C8orf74: variants seen among roughly 807,000 people sequenced by gnomAD.
C8orf74 encodes uncharacterized protein C8orf74.
In C8orf74, 29 loss-of-function variants were observed where a neutral mutation model predicts 22.2. The observed-to-expected ratio is 1.31, with a 90% CI of 0.97 to 1.78. C8orf74 has a LOEUF of 1.78. Among genes scored for constraint, C8orf74 ranks in the 40% most tolerant of loss-of-function variants. The probability of loss-of-function intolerance (pLI) is 0.00; values close to 1 mark genes in which losing one functional copy is unlikely to be tolerated. For missense variants in C8orf74, 515 were observed against 369.9 expected, an observed-to-expected ratio of 1.39 and a Z score of -3.22; for synonymous variants, 255 against 163.1, an observed-to-expected ratio of 1.56 and a Z score of -4.30.
chr8:10,690,314 TC>T (rs1331293778), intron 2 of C8orf74, among the ~76,000 whole-genome samples: 3 of 151,912 alleles, frequency 2.0e-5, no homozygotes, highest in African/African-American at 7.3e-5. Flanking sequence ...CGGTGGGTGC[TC>T]CCTAACTGAG....
chr8:10,688,881 A>G (rs1434617402), intron 2 of C8orf74: 1 of 152,218 alleles, frequency 6.6e-6, no homozygotes, highest in African/African-American at 2.4e-5. Context: ...GGACCCCGGG[A>G]CAGGCAGGAG....
Position 10,687,226 on chromosome 8 carries a change from C to T in C8orf74, c.242-10373C>T, listed in dbSNP as rs145372926. On this transcript the variant is annotated intron_variant, in intron 2 of 3. Transcript: ENST00000304519. Reference sequence around the variant, plus strand: ...GGAAAGCACCACATATGCATGCTGTCGCCTAATCTCACGAGGTAGAGATTT... The same window carrying T: ...GGAAAGCACCACATATGCATGCTGTTGCCTAATCTCACGAGGTAGAGATTT... 2.9e-3 allele frequency: 1,172 copies of T among 409,946 alleles called. 9 individuals are homozygous for T. Among genetic ancestry groups the T allele is most frequent in the Non-Finnish European group, 3.6e-3 (723 of 200,944 alleles). The allele number at this position is 409,946 out of a possible 1,614,324, so 25.4% of individuals were successfully genotyped here.
chr8:10,681,650 C>T (rs1057193255), intron 2 of C8orf74, among the ~76,000 whole-genome samples: 1 of 152,234 alleles, frequency 6.6e-6, no homozygotes, highest in East Asian at 1.9e-4. Context: ...CCCAACCCAC[C>T]ACCACTCTGA....
intron 2 of C8orf74, among the ~76,000 whole-genome samples, chr8:10,680,250 G>A (rs1799121414): frequency 6.6e-6 from 1 of 152,166 alleles, no homozygotes; most frequent in Non-Finnish European, 1.5e-5. Context: ...TCCCACTGCG[G>A]TCACGACACT....
chr8:10,691,523 C>T (rs1232196110), intron 2 of C8orf74: 1 of 156,354 alleles, frequency 6.4e-6, no homozygotes, highest in African/African-American at 2.4e-5. Context: ...CTGGCAAGTT[C>T]AGAGAAGGTG....
chr8:10,683,431 C>T (rs1401963918), intron 2 of C8orf74, among the ~76,000 whole-genome samples: 1 of 152,200 alleles, frequency 6.6e-6, no homozygotes, highest in Non-Finnish European at 1.5e-5. Context: ...TACTGGTCAG[C>T]CTTGGAGCCC....
chr8:10,698,608 C>T (rs574699751), intron 3 of C8orf74, among the ~76,000 whole-genome samples: 2 of 152,276 alleles, frequency 1.3e-5, no homozygotes, highest in Non-Finnish European at 2.9e-5. Flanking sequence ...ATGACCAGCT[C>T]TTCAATGACC....
intron 2 of C8orf74, chr8:10,688,854 GAAGATCAAC>G (rs1421168594): frequency 6.6e-6 from 1 of 152,250 alleles, no homozygotes; most frequent in Non-Finnish European, 1.5e-5. Context: ...TAGGAGGTGG[GAAGATCAAC>G]AGACCACGGA....
In C8orf74 at chr8:10,700,237, G is replaced by A. The variant is rs375171655; in HGVS notation, c.651G>A (p.Glu217=). 3 of 1,593,174 alleles carry A rather than the reference G, an allele frequency of 1.9e-6. No individual in the cohort carries two copies. The highest frequency in any genetic ancestry group is 1.7e-6 in the Non-Finnish European group (2 of 1,164,756). Residue 217 remains glutamate (E), a splice_region_variant and synonymous_variant, in exon 4 of 4, where the codon GAG becomes GAA. Coordinates refer to ENST00000304519, the MANE Select transcript of C8orf74 (RefSeq NM_001040032.2). ...AQPGQVLERQ[E]LESLICQAVH... is the part of the protein sequence containing the mutation. ...TCGGCCTTCCCCTTTCCTTCCAGGA[G>A]TTGGAGAGCCTCATCTGCCAGGCAG...
intron 2 of C8orf74, among the ~76,000 whole-genome samples, chr8:10,685,470 A>C (rs1390589756): frequency 6.6e-6 from 1 of 152,264 alleles, no homozygotes; most frequent in Non-Finnish European, 1.5e-5. Context: ...CTTACAAAGG[A>C]AGGCAATTCT....
chr8:10,695,215 A>C (rs1013482144), intron 2 of C8orf74, among the ~76,000 whole-genome samples: 1 of 152,048 alleles, frequency 6.6e-6, no homozygotes, highest in Non-Finnish European at 1.5e-5. Context: ...ACCCCATTTG[A>C]CCCTTCCAAC....
intron 2 of C8orf74, among the ~76,000 whole-genome samples, chr8:10,678,805 C>T (rs911427060): frequency 2.0e-5 from 3 of 152,160 alleles, no homozygotes; most frequent in African/African-American, 7.2e-5. Context: ...CCACGACAGC[C>T]AGGCCTCCTG....
At chr8:10,696,718 G>A (rs1385036749) in intron 2 of C8orf74, among the ~76,000 whole-genome samples, 2 of 151,976 alleles carry the variant, frequency 1.3e-5, no homozygotes, top group Non-Finnish European at 2.9e-5. Context: ...AAAGTGGTGG[G>A]ATTACAGGTG....
chr8:10,699,571 T>C (rs1160911768), intron 3 of C8orf74, among the ~76,000 whole-genome samples: 1 of 152,238 alleles, frequency 6.6e-6, no homozygotes, highest in Non-Finnish European at 1.5e-5. Context: ...ACGTGGTCCA[T>C]GTATCCAGGC....
chr8:10,685,596 T>G (rs77015540), intron 2 of C8orf74, among the ~76,000 whole-genome samples: 12 of 152,236 alleles, frequency 7.9e-5, no homozygotes, highest in African/African-American at 2.9e-4. Flanking sequence ...GTAGTCAAAT[T>G]CATAGAGACA....
Position 10,697,758 on chromosome 8 carries a change from A to T in C8orf74, c.401A>T (p.Gln134Leu). 1.2e-6 allele frequency: 2 copies of T among 1,614,066 alleles called. No homozygotes were observed. The highest frequency in any genetic ancestry group is 2.2e-5 in the South Asian group (2 of 91,090). Reference protein sequence around the residue: ...LYQYVLGQDQQVDLTVAHLEV... With the variant: ...LYQYVLGQDQLVDLTVAHLEV... ...CAGTATGTCCTGGGCCAGGACCAGCAGGTCGACCTGACCGTTGCCCACCTG... is the reference window on the plus strand; with the variant it reads ...CAGTATGTCCTGGGCCAGGACCAGCTGGTCGACCTGACCGTTGCCCACCTG... Residue 134 changes from glutamine (Q) to leucine (L), a missense_variant, in exon 3 of 4, where the codon CAG (glutamine) becomes CTG (leucine). Gln to Leu is a moderately radical substitution (Grantham distance 113, BLOSUM62 -2). Coordinates refer to ENST00000304519, the MANE Select transcript of C8orf74 (RefSeq NM_001040032.2).
At chr8:10,680,959 C>T (rs1799136566) in intron 2 of C8orf74, among the ~76,000 whole-genome samples, 1 of 152,070 alleles carries the variant, frequency 6.6e-6, no homozygotes, top group African/African-American at 2.4e-5. Flanking sequence ...CCACACTGGG[C>T]TTTCAGTCAT....
intron 2 of C8orf74, among the ~76,000 whole-genome samples, chr8:10,678,731 G>A (rs1369752398): frequency 6.6e-6 from 1 of 152,190 alleles, no homozygotes; most frequent in African/African-American, 2.4e-5. Context: ...GCCATGCCAG[G>A]CTGGCTGCAG....
intron 2 of C8orf74, chr8:10,690,874 T>C (rs955279372): frequency 6.6e-6 from 3 of 456,010 alleles, no homozygotes; most frequent in East Asian, 7.0e-5. Flanking sequence ...TCGCAGGTGC[T>C]GGCCTCCAGG....
Sources: gnomAD v4.1 joint callset for allele counts (sites outside exome capture counted in the v4.1 genomes callset) on GRCh38, gnomAD v4.1.1 for gene constraint, MANE v1.5 for transcripts, NCBI Gene and HGNC (gene_info 2026-07-23, HGNC 2026-07-21) for gene names.